CAPN3: variants seen among roughly 807,000 people sequenced by gnomAD.
The protein encoded by CAPN3 is calpain 3.
A neutral mutation model predicts 114.0 loss-of-function variants in CAPN3; 88 were observed. The ratio of observed to expected loss-of-function variants is 0.77; its 90% CI spans 0.65 to 0.92. The LOEUF is 0.92. Ranked by LOEUF, CAPN3 falls within the 40% of genes least tolerant of loss-of-function variation. CAPN3 has a pLI of 0.00. For missense variants in CAPN3, 1,028 were observed against 1,069.0 expected (o/e 0.96, Z 0.53); for synonymous variants, 386 against 382.9 (o/e 1.01, Z -0.09).
At chr15:42,397,134 C>T (rs765016398) in intron 9 of CAPN3, among the ~76,000 whole-genome samples, 2 of 152,192 alleles carry the variant, frequency 1.3e-5, no homozygotes, top group African/African-American at 2.4e-5. Context: ...CACTCTATTC[C>T]AGCCACAGGC....
At chr15:42,411,673 G>T in intron 23 of CAPN3, 74 bp from the exon 24 acceptor site, 1 of 672,504 alleles carries the variant, frequency 1.5e-6, no homozygotes, top group Non-Finnish European at 2.5e-6. Context: ...CTCTTGCCCC[G>T]TAAGATTCCT....
chr15:42,382,834 G>T (rs1337806007), intron 1 of CAPN3, among the ~76,000 whole-genome samples: 2 of 152,136 alleles, frequency 1.3e-5, no homozygotes, highest in African/African-American at 4.8e-5. Flanking sequence ...TCTGTGAATG[G>T]TTATGCAGTT....
Position 42,359,848 on chromosome 15 carries a change from G to T in CAPN3, c.43G>T (p.Ala15Ser), listed in dbSNP as rs746372448. 1.2e-6 allele frequency: 2 copies of T among 1,614,090 alleles called. No individual in the cohort carries two copies. The highest frequency in any genetic ancestry group is 1.7e-5 in the Admixed American group (1 of 60,020). The change falls in exon 1 of 24, where the codon GCT becomes TCT. Residue 15 changes from alanine to serine, a missense_variant. Coordinates refer to ENST00000397163, the MANE Select transcript of CAPN3 (RefSeq NM_000070.3). ...ISASVAPRTAAEPRSPGPVPH... is the reference protein window; with the variant it reads ...ISASVAPRTASEPRSPGPVPH... ...CGCATCTGTGGCTCCAAGGACAGCG[G>T]CTGAGCCCCGGTCCCCAGGGCCAGT...
At chr15:42,395,012 A>G (rs757705137) in intron 8 of CAPN3, among the ~76,000 whole-genome samples, 12 of 152,134 alleles carry the variant, frequency 7.9e-5, no homozygotes, top group Non-Finnish European at 1.3e-4. Context: ...CGAGAGGGGG[A>G]TGGCAGGACT....
At chr15:42,398,489 CAGG>C (rs1398701791) in intron 9 of CAPN3, among the ~76,000 whole-genome samples, 2 of 151,392 alleles carry the variant, frequency 1.3e-5, no homozygotes, top group Non-Finnish European at 2.9e-5. Context: ...CTGGCTGAGG[CAGG>C]AGAATCCCTT....
At chr15:42,380,368 CTTTTTTTTT>C (rs776441239) in intron 1 of CAPN3, among the ~76,000 whole-genome samples, 2 of 46,106 alleles carry the variant, frequency 4.3e-5, no homozygotes, top group East Asian at 6.1e-4. Context: ...TCTTTTTTGT[CTTTTTTTTT>C]TTTTTTTTTT....
At chr15:42,379,519 T>TA (rs752080917) in intron 1 of CAPN3, among the ~76,000 whole-genome samples, 31 of 152,166 alleles carry the variant, frequency 2.0e-4, no homozygotes, top group Non-Finnish European at 3.5e-4. Context: ...GATCTATAAT[T>TA]ACTGAAAGAG....
In CAPN3 at chr15:42,394,255, G is replaced by T. The variant is rs1555421263; in HGVS notation, c.1030-1G>T. ...ATGAGAGCTCTTTCTGTGTGCTTAAGGTCCCGTTCAAAGGTGAGAAAGTGA... is the reference window on the plus strand; with the variant it reads ...ATGAGAGCTCTTTCTGTGTGCTTAATGTCCCGTTCAAAGGTGAGAAAGTGA... On this transcript the variant is annotated splice_acceptor_variant, in intron 7 of 23. Coordinates refer to ENST00000397163, the MANE Select transcript of CAPN3 (RefSeq NM_000070.3). LOFTEE classifies it high-confidence loss of function. 5 of 1,555,788 alleles carry T rather than the reference G, an allele frequency of 3.2e-6. No individual in the cohort carries two copies. Among genetic ancestry groups the T allele is most frequent in the Non-Finnish European group, 4.4e-6 (5 of 1,149,072 alleles).
intron 1 of CAPN3, among the ~76,000 whole-genome samples, chr15:42,375,390 TTG>T (rs1391065602): frequency 6.6e-6 from 1 of 152,022 alleles, no homozygotes; most frequent in Non-Finnish European, 1.5e-5. Flanking sequence ...ATGAAGCAGT[TTG>T]TGTCAGGCTA....
In CAPN3 at chr15:42,372,270, C is replaced by T. The variant is rs532541088; in HGVS notation, c.309+12156C>T. On this transcript the variant is annotated intron_variant, in intron 1 of 23. Coordinates refer to ENST00000397163, the MANE Select transcript of CAPN3 (RefSeq NM_000070.3). ...CACCTCCCAGGTTCAAGCAATTCTC[C>T]TGCCTCAGCCTCCCAAGTAGCTGGG... Among the ~76,000 whole-genome samples the T allele has an allele frequency of 3.9e-5, 6 of 152,258 alleles. No individual in the cohort carries two copies. In the South Asian group the frequency reaches 1.2e-3, roughly 32 times the overall value.
chr15:42,406,350 T>C lies in CAPN3; in HGVS notation c.1800+407T>C, dbSNP rs1203907883. Among the ~76,000 whole-genome samples, 4 of 152,142 alleles carry C rather than the reference T, an allele frequency of 2.6e-5. No individual in the cohort carries two copies. In the South Asian group the frequency reaches 6.2e-4, roughly 24 times the overall value. On this transcript the variant is annotated intron_variant, in intron 15 of 23. Coordinates refer to ENST00000397163, the MANE Select transcript of CAPN3 (RefSeq NM_000070.3). ...TGTCCTGAACCACAAGAGGCCATCA[T>C]ACACCATCAGATTTGGTGCTAGCAT...
chr15:42,411,417 G>T (rs1475929169), intron 23 of CAPN3, 72 bp downstream of exon 23: 4 of 1,331,940 alleles, frequency 3.0e-6, no homozygotes, highest in Non-Finnish European at 4.3e-6. Context: ...GGGCGGACTG[G>T]ACCCAGGGTG....
chr15:42,361,850 C>G (rs1434515023), intron 1 of CAPN3, among the ~76,000 whole-genome samples: 1 of 152,244 alleles, frequency 6.6e-6, no homozygotes, highest in Non-Finnish European at 1.5e-5. Flanking sequence ...ACACCGGAGG[C>G]CTTTGCTCAT....
chr15:42,377,219 T>C (rs2053112925), intron 1 of CAPN3, among the ~76,000 whole-genome samples: 1 of 152,172 alleles, frequency 6.6e-6, no homozygotes, highest in Admixed American at 6.5e-5. Flanking sequence ...ATAGGAGTGG[T>C]ACAGGAGGAC....
Position 42,390,109 on chromosome 15 carries a change from C to G in CAPN3, c.945+13C>G, listed in dbSNP as rs1224209791. 1.9e-6 allele frequency: 3 copies of G among 1,614,076 alleles called. No homozygotes were observed. The Admixed American group carries it at 5.0e-5, about 27-fold the overall frequency. On this transcript the variant is annotated intron_variant, in intron 6 of 23. Transcript: ENST00000397163. ...AAGACCGACCCGGGTGTGTACACCT[C>G]CGATTATCAGAACTGACCATCCCTC...
In CAPN3 at chr15:42,411,997, T is replaced by C; in HGVS notation, c.*224T>C. 6.6e-7 allele frequency: 1 copy of C among 1,508,900 alleles called. No homozygotes were observed. The highest frequency in any genetic ancestry group is 8.8e-7 in the Non-Finnish European group (1 of 1,130,740). The allele number at this position is 1,508,900 out of a possible 1,614,324, so 93.5% of individuals were successfully genotyped here. ...GCAATGAGGTAGGAAGAACAAACCC[T>C]TGTCCCTTTGCCATGTGGAGGAAAG... is the stretch of plus-strand genomic sequence containing the variant. On this transcript the variant is annotated 3_prime_UTR_variant, in exon 24 of 24. Transcript: ENST00000397163.
At chr15:42,390,860 G>A (rs184415335) in intron 6 of CAPN3, among the ~76,000 whole-genome samples, 35 of 144,466 alleles carry the variant, frequency 2.4e-4, no homozygotes, top group African/African-American at 8.7e-4. Context: ...GTGCCATCTC[G>A]GCTCACTGCA....
chr15:42,401,257 G>T (rs192070640), intron 10 of CAPN3, among the ~76,000 whole-genome samples: 27 of 152,182 alleles, frequency 1.8e-4, no homozygotes, highest in Non-Finnish European at 3.2e-4. Flanking sequence ...GCGCGTGTAG[G>T]GGGCAGTTAA....
At chr15:42,406,704 C>T (rs955893860) in intron 15 of CAPN3, among the ~76,000 whole-genome samples, 3 of 152,170 alleles carry the variant, frequency 2.0e-5, no homozygotes, top group Non-Finnish European at 4.4e-5. Flanking sequence ...CAGCCCCCTA[C>T]ACTTCAAGGC....
Sources: allele counts gnomAD v4.1 joint callset (sites outside exome capture counted in the v4.1 genomes callset), GRCh38; gene constraint gnomAD v4.1.1; transcripts MANE v1.5; gene names NCBI Gene and HGNC (gene_info 2026-07-23, HGNC 2026-07-21).